Variants in TMTC2 observed in about 807,000 individuals in gnomAD.
The protein encoded by TMTC2 is transmembrane O-mannosyltransferase targeting cadherins 2.
TMTC2 carries 43 observed loss-of-function variants against 82.4 expected under a neutral mutation model. That is an observed-to-expected ratio of 0.52 (90% CI 0.41 to 0.67). TMTC2 has a LOEUF of 0.67. Among genes scored for constraint, TMTC2 ranks in the 30% least tolerant of loss-of-function variants. The pLI is 0.00. For missense variants in TMTC2, 919 were observed against 1,012.4 expected, an observed-to-expected ratio of 0.91 and a Z score of 1.25; for synonymous variants, 408 against 381.9, an observed-to-expected ratio of 1.07 and a Z score of -0.80.
intron 7 of TMTC2, among the ~76,000 whole-genome samples, chr12:82,980,545 G>T (rs1031747925): frequency 1.2e-4 from 18 of 151,744 alleles, no homozygotes; most frequent in Admixed American, 9.9e-4. Flanking sequence ...TGTATTAGGG[G>T]CTGGAAGCCT....
At chr12:82,997,210 T>C (rs1389321572) in intron 8 of TMTC2, among the ~76,000 whole-genome samples, 3 of 119,280 alleles carry the variant, frequency 2.5e-5, no homozygotes, top group Admixed American at 1.9e-4. Flanking sequence ...CCTCTCCCTC[T>C]CTCTCTCTCT....
intron 10 of TMTC2, among the ~76,000 whole-genome samples, chr12:83,054,529 T>C (rs1882465093): frequency 1.3e-5 from 2 of 151,630 alleles, no homozygotes; most frequent in Non-Finnish European, 2.9e-5. Context: ...ATTACACTTG[T>C]AATTATATAT....
At position 82,687,352 on chromosome 12, in the gene TMTC2, T is replaced by C. The variant is rs528441441; in HGVS notation, c.-235T>C. On this transcript the variant is annotated 5_prime_UTR_variant, in exon 1 of 12. It removes an upstream start codon present in the reference 5' UTR. Coordinates refer to ENST00000321196, the MANE Select transcript of TMTC2 (RefSeq NM_152588.3). ...GCTCACCGCTTGCGGGCGCCGGGCATGGGGAGTGTGGTGTGAGCCCGCACC... is the reference window on the plus strand; with the variant it reads ...GCTCACCGCTTGCGGGCGCCGGGCACGGGGAGTGTGGTGTGAGCCCGCACC... 5.1e-5 allele frequency: 27 copies of C among 534,380 alleles called. 1 individual carries two copies. The highest frequency in any genetic ancestry group is 4.0e-4 in the East Asian group (12 of 30,158). The allele number at this position is 534,380 out of a possible 1,614,324, so 33.1% of individuals were successfully genotyped here. A position where few individuals can be genotyped will look rare whatever the true frequency, so the allele number is the denominator to read the frequency against.
At chr12:82,691,466 T>C (rs930596512) in intron 1 of TMTC2, among the ~76,000 whole-genome samples, 5 of 152,088 alleles carry the variant, frequency 3.3e-5, no homozygotes, top group Non-Finnish European at 7.4e-5. Flanking sequence ...TATAAACACA[T>C]GAGTTAATTT....
At chr12:82,938,613 G>T (rs1466694107) in intron 4 of TMTC2, among the ~76,000 whole-genome samples, 2 of 152,124 alleles carry the variant, frequency 1.3e-5, no homozygotes, top group Non-Finnish European at 2.9e-5. Flanking sequence ...TTGGCTTGAG[G>T]TCACCAGTGC....
At chr12:82,861,554 AAT>A (rs1294592887) in intron 2 of TMTC2, among the ~76,000 whole-genome samples, 3 of 152,254 alleles carry the variant, frequency 2.0e-5, no homozygotes, top group Admixed American at 6.5e-5. Flanking sequence ...ATATATGGGA[AAT>A]AGTAAGTTCT....
In TMTC2 at chr12:82,772,694, A is replaced by G. The variant is rs138739335; in HGVS notation, c.84-84316A>G. On this transcript the variant is annotated intron_variant, in intron 1 of 11. Coordinates refer to ENST00000321196, the MANE Select transcript of TMTC2 (RefSeq NM_152588.3). ...TTATCCCTGTCTCTCTTCCTGGTCC[A>G]TGTTCCACCCCCTGAAATAAATTTA... 1.1e-3 allele frequency among the ~76,000 whole-genome samples: 166 copies of G among 152,292 alleles called. 3 individuals carry two copies. Among genetic ancestry groups the G allele is most frequent in the Admixed American group, 6.1e-3 (93 of 15,292 alleles).
intron 11 of TMTC2, among the ~76,000 whole-genome samples, chr12:83,101,022 A>G (rs1884198932): frequency 6.6e-6 from 1 of 152,238 alleles, no homozygotes; most frequent in Non-Finnish European, 1.5e-5. Flanking sequence ...GCTATAAACA[A>G]TATTGATCAC....
In TMTC2 at chr12:83,061,769, C is replaced by T; in HGVS notation, c.2269C>T (p.Gln757Ter). The change falls in exon 11 of 12, where the codon CAG becomes TAG. Residue 757 changes from glutamine to a stop codon, truncating the protein, a stop_gained and splice_region_variant. Transcript: ENST00000321196. LOFTEE classifies it high-confidence loss of function. The stretch of plus-strand genomic sequence containing the variant: ...TTTATTTTATTTTTTCTTTTACAGA[C>T]AGGCTAGCCTCAATGAAGCAGCTGA... Reference protein sequence around the residue: ...VVFNAAHMLRQASLNEAAEKY... With the variant: ...VVFNAAHMLR 6.3e-7 allele frequency: 1 copy of T among 1,587,748 alleles called. No homozygotes were observed. The highest frequency in any genetic ancestry group is 2.3e-5 in the East Asian group (1 of 43,992).
At chr12:83,116,057 T>A (rs891874465) in intron 11 of TMTC2, among the ~76,000 whole-genome samples, 4 of 152,106 alleles carry the variant, frequency 2.6e-5, no homozygotes, top group African/African-American at 9.7e-5. Flanking sequence ...ATTTATAATC[T>A]TTTATCCTTC....
chr12:82,772,980 G>A (rs1187289378), intron 1 of TMTC2, among the ~76,000 whole-genome samples: 1 of 152,070 alleles, frequency 6.6e-6, no homozygotes, highest in Admixed American at 6.5e-5. Flanking sequence ...TATTTTCAAA[G>A]GTTTGAAAGG....
intron 1 of TMTC2, among the ~76,000 whole-genome samples, chr12:82,728,602 C>T (rs912572869): frequency 4.6e-5 from 7 of 152,184 alleles, no homozygotes; most frequent in East Asian, 1.9e-4. Context: ...GAGGTGACAG[C>T]GTGCTGGCAG....
At chr12:82,745,309 T>C (rs1412704744) in intron 1 of TMTC2, among the ~76,000 whole-genome samples, 8 of 152,168 alleles carry the variant, frequency 5.3e-5, no homozygotes, top group African/African-American at 1.9e-4. Flanking sequence ...CCTTTTGTAG[T>C]GTCTGAAAAG....
intron 1 of TMTC2, among the ~76,000 whole-genome samples, chr12:82,826,261 G>A (rs1392865654): frequency 6.6e-6 from 1 of 152,226 alleles, no homozygotes; most frequent in Non-Finnish European, 1.5e-5. Flanking sequence ...TTCTTATGGT[G>A]AGTTTAGATT....
intron 8 of TMTC2, among the ~76,000 whole-genome samples, chr12:82,997,613 T>C (rs905446887): frequency 6.6e-6 from 1 of 151,048 alleles, no homozygotes; most frequent in Non-Finnish European, 1.5e-5. Context: ...AAGAAGAATT[T>C]CAAATATGCT....
chr12:82,822,285 G>A (rs574835858), intron 1 of TMTC2, among the ~76,000 whole-genome samples: 28 of 152,218 alleles, frequency 1.8e-4, no homozygotes, highest in African/African-American at 6.3e-4. Flanking sequence ...GAACTGTAAG[G>A]TAAACTATGG....
At chr12:83,129,498 A>G (rs536758343) in intron 11 of TMTC2, among the ~76,000 whole-genome samples, 28 of 152,282 alleles carry the variant, frequency 1.8e-4, no homozygotes, top group African/African-American at 4.6e-4. Context: ...CAGGTAGGTA[A>G]CTCCATAAGT....
intron 4 of TMTC2, among the ~76,000 whole-genome samples, chr12:82,952,221 T>A (rs1208015781): frequency 6.6e-6 from 1 of 152,216 alleles, no homozygotes; most frequent in African/African-American, 2.4e-5. Flanking sequence ...AAAATACTAC[T>A]AATGTCATTG....
intron 11 of TMTC2, among the ~76,000 whole-genome samples, chr12:83,063,041 T>C (rs1882797939): frequency 6.6e-6 from 1 of 151,908 alleles, no homozygotes; most frequent in African/African-American, 2.4e-5. Flanking sequence ...ATATACATTT[T>C]ACCTGATATG....
Sources: gnomAD v4.1 joint callset for allele counts (sites outside exome capture counted in the v4.1 genomes callset) on GRCh38, gnomAD v4.1.1 for gene constraint, MANE v1.5 for transcripts, NCBI Gene and HGNC (gene_info 2026-07-23, HGNC 2026-07-21) for gene names.